Variants in TNFAIP8 observed in about 807,000 individuals in gnomAD.
The protein encoded by TNFAIP8 is TNF alpha induced protein 8.
Under a neutral mutation model 13.3 loss-of-function variants are expected in TNFAIP8, and 7 were observed. That is an observed-to-expected ratio of 0.52 (90% confidence interval 0.30 to 0.99). The LOEUF is 0.99. Ranked by LOEUF, TNFAIP8 falls within the 50% of genes least tolerant of loss-of-function variation. TNFAIP8 has a pLI of 0.07. For missense variants in TNFAIP8, 258 were observed against 236.9 expected (o/e 1.09, Z -0.58); for synonymous variants, 94 against 87.6 (o/e 1.07, Z -0.41).
At chr5:119,305,971 G>A (rs1749539052) in intron 1 of TNFAIP8, among the ~76,000 whole-genome samples, 1 of 152,146 alleles carries the variant, frequency 6.6e-6, no homozygotes, top group Non-Finnish European at 1.5e-5. Flanking sequence ...CTCCAGTGTT[G>A]CGTGTGGTTG....
intron 1 of TNFAIP8, among the ~76,000 whole-genome samples, chr5:119,377,508 C>G (rs990789156): frequency 7.4e-5 from 10 of 134,358 alleles, no homozygotes; most frequent in African/African-American, 2.8e-4. Context: ...GAGCTCCAAA[C>G]TGGTATGGAG....
intron 1 of TNFAIP8, among the ~76,000 whole-genome samples, chr5:119,323,031 A>C (rs1379892550): frequency 6.6e-6 from 1 of 152,196 alleles, no homozygotes; most frequent in African/African-American, 2.4e-5. Context: ...CCCTATGCCC[A>C]ATCAGTTGTC....
At chr5:119,391,073 C>T (rs1178282222) in intron 1 of TNFAIP8, among the ~76,000 whole-genome samples, 1 of 151,346 alleles carries the variant, frequency 6.6e-6, no homozygotes, top group Non-Finnish European at 1.5e-5. Context: ...TCAAGTGATC[C>T]TCTCCCTACC....
chr5:119,317,844 C>T (rs981830925), intron 1 of TNFAIP8, among the ~76,000 whole-genome samples: 4 of 152,040 alleles, frequency 2.6e-5, no homozygotes, highest in Non-Finnish European at 4.4e-5. Context: ...GTAATCTGCC[C>T]GCCTTGGCTC....
upstream of TNFAIP8, among the ~76,000 whole-genome samples, chr5:119,351,035 TAG>T (rs59352453): frequency 7.6e-6 from 1 of 130,904 alleles, no homozygotes; most frequent in African/African-American, 3.3e-5. Flanking sequence ...TGTGTGTGTG[TAG>T]AGAGAGAGAG....
At chr5:119,355,991 T>G, upstream of TNFAIP8, 1 of 1,518,262 alleles carries the variant, frequency 6.6e-7, no homozygotes, top group Non-Finnish European at 8.9e-7. Context: ...TTTCTTCCTT[T>G]TATTTTCCGT....
chr5:119,339,907 A>T (rs1258780220), intron 1 of TNFAIP8, among the ~76,000 whole-genome samples: 3 of 152,238 alleles, frequency 2.0e-5, no homozygotes, highest in Non-Finnish European at 4.4e-5. Context: ...ATGGAAATAA[A>T]TGGGCTGTGG....
At position 119,393,234 on chromosome 5, in the gene TNFAIP8, G is replaced by C. The variant is rs180823730; in HGVS notation, c.450G>C (p.Lys150Asn). 3 of 1,614,012 alleles carry C rather than the reference G, an allele frequency of 1.9e-6. No homozygotes were observed. Among genetic ancestry groups the C allele is most frequent in the Admixed American group, 3.3e-5 (2 of 60,012 alleles). ...TCATTCAGCGCCACCTCACTGCCAA[G>C]TCACATGGACGGGTTAATAATGTGT... The part of the protein sequence containing the change: ...HQIIQRHLTA[K>N]SHGRVNNVFD... The change falls in exon 2 of 2, where the codon AAG becomes AAC. Residue 150 changes from lysine to asparagine, a missense_variant. Lys to Asn is a moderately conservative substitution (Grantham distance 94). Transcript: ENST00000504771.
rs1445738877 is a variant in TNFAIP8, at chr5:119,394,638, G to A, written c.*1257G>A. 2 of 97,388 alleles carry A rather than the reference G, an allele frequency of 2.1e-5. No individual in the cohort carries two copies. Among genetic ancestry groups the A allele is most frequent in the Non-Finnish European group, 3.7e-5 (2 of 53,818 alleles). The allele number at this position is 97,388 out of a possible 1,614,324, so 6.0% of individuals were successfully genotyped here. A position where few individuals can be genotyped will look rare whatever the true frequency, so the allele number is the denominator to read the frequency against. ...TTTTTTTTTTTTTTTTTTGAGTCTC[G>A]CTCTGTTGTTTAGGCTAGAATGCAG... On this transcript the variant is annotated 3_prime_UTR_variant, in exon 2 of 2. Coordinates refer to ENST00000504771, the MANE Select transcript of TNFAIP8 (RefSeq NM_014350.4).
rs1374424616 is a variant in TNFAIP8, at chr5:119,394,737, G to A, written c.*1356G>A. ...TTCTCCTGCCTCTGCCTCCCAAGTA[G>A]CTGGGATTACAGGCATGCACCACCA... On this transcript the variant is annotated 3_prime_UTR_variant, in exon 2 of 2. Transcript: ENST00000504771. 1 of 151,338 alleles carries A rather than the reference G, an allele frequency of 6.6e-6. No homozygotes were observed. Among genetic ancestry groups the A allele is most frequent in the South Asian group, 2.1e-4 (1 of 4,796 alleles). 9.4% of individuals were successfully genotyped at this position (151,338 alleles called of 1,614,324 possible).
chr5:119,308,606 C>G (rs1176840111), intron 1 of TNFAIP8, among the ~76,000 whole-genome samples: 1 of 152,044 alleles, frequency 6.6e-6, no homozygotes, highest in Non-Finnish European at 1.5e-5. Context: ...TGGCTCATGC[C>G]TGTAATCCAC....
At chr5:119,373,787 A>C (rs1752176647) in intron 1 of TNFAIP8, among the ~76,000 whole-genome samples, 1 of 152,182 alleles carries the variant, frequency 6.6e-6, no homozygotes, top group African/African-American at 2.4e-5. Context: ...CAAAAAAATT[A>C]GTTCCTTTTC....
intron 1 of TNFAIP8, among the ~76,000 whole-genome samples, chr5:119,335,587 A>G (rs1185354624): frequency 6.6e-6 from 1 of 152,086 alleles, no homozygotes; most frequent in Non-Finnish European, 1.5e-5. Context: ...CACACCCCAC[A>G]GACCCCAGAC....
chr5:119,313,522 A>G (rs542889727), intron 1 of TNFAIP8, among the ~76,000 whole-genome samples: 25 of 152,224 alleles, frequency 1.6e-4, no homozygotes, highest in Admixed American at 1.2e-3. Flanking sequence ...GGGCTTTGAC[A>G]TTTTCTTTTA....
At chr5:119,293,377 A>G (rs1027260768) in intron 1 of TNFAIP8, among the ~76,000 whole-genome samples, 6 of 152,106 alleles carry the variant, frequency 3.9e-5, no homozygotes, top group African/African-American at 1.4e-4. Context: ...TTCAACCTCT[A>G]GTCACCTCCA....
intron 1 of TNFAIP8, among the ~76,000 whole-genome samples, chr5:119,322,007 A>C (rs1244628982): frequency 6.6e-6 from 1 of 151,596 alleles, no homozygotes; most frequent in African/African-American, 2.4e-5. Context: ...CTTTCCTCCT[A>C]CTTCAGAGCC....
At chr5:119,333,042 G>A (rs1262872351) in intron 1 of TNFAIP8, 2 of 175,856 alleles carry the variant, frequency 1.1e-5, no homozygotes, top group African/African-American at 2.6e-5. Flanking sequence ...GTAGGAATGA[G>A]GTGTTTTTTT....
At chr5:119,269,729 C>A (rs1275064059) in intron 1 of TNFAIP8, among the ~76,000 whole-genome samples, 1 of 152,060 alleles carries the variant, frequency 6.6e-6, no homozygotes, top group Non-Finnish European at 1.5e-5. Context: ...AGTTCAGTGC[C>A]CAGTGTTGAA....
At chr5:119,343,381 G>T (rs969586937) in intron 1 of TNFAIP8, among the ~76,000 whole-genome samples, 1 of 152,144 alleles carries the variant, frequency 6.6e-6, no homozygotes, top group South Asian at 2.1e-4. Flanking sequence ...TTTATAGATT[G>T]TCGAAAATTA....
Sources: allele counts gnomAD v4.1 joint callset (sites outside exome capture counted in the v4.1 genomes callset), GRCh38; gene constraint gnomAD v4.1.1; transcripts MANE v1.5; gene names NCBI Gene and HGNC (gene_info 2026-07-23, HGNC 2026-07-21).